SAMSN1: variants seen among roughly 807,000 people sequenced by gnomAD.
SAMSN1 encodes the protein SAM domain, SH3 domain and nuclear localization signals 1.
Under a neutral mutation model 42.0 loss-of-function variants are expected in SAMSN1, and 31 were observed. The ratio of observed to expected loss-of-function variants is 0.74; its 90% confidence interval spans 0.55 to 1.00. SAMSN1 has a LOEUF of 1.00. Among genes scored for constraint, SAMSN1 ranks in the 50% least tolerant of loss-of-function variants. The pLI is 0.00. For synonymous variants in SAMSN1, 178 were observed against 151.9 expected, an observed-to-expected ratio of 1.17 and a Z score of -1.26; for missense variants, 464 against 439.4, an observed-to-expected ratio of 1.06 and a Z score of -0.50.
At chr21:14,523,756 T>C (rs989310081) in intron 1 of SAMSN1, among the ~76,000 whole-genome samples, 7 of 152,182 alleles carry the variant, frequency 4.6e-5, no homozygotes, top group Non-Finnish European at 8.8e-5. Flanking sequence ...ATGGGTCCTG[T>C]TGCACAGGAG....
chr21:14,579,658 TTTTTTTG>T (rs1414645615), intron 2 of SAMSN1, among the ~76,000 whole-genome samples: 5 of 126,226 alleles, frequency 4.0e-5, no homozygotes, highest in East Asian at 2.2e-4. Flanking sequence ...TTTTTTTTTT[TTTTTTTG>T]GAGGCAGGGT....
intron 2 of SAMSN1, among the ~76,000 whole-genome samples, chr21:14,580,673 T>C (rs148334324): frequency 8.7e-4 from 132 of 152,366 alleles, no homozygotes; most frequent in African/African-American, 3.0e-3. Flanking sequence ...CTATGGCACT[T>C]TGAACACAAG....
chr21:14,625,666 A>C (rs549893775), intron 2 of SAMSN1, among the ~76,000 whole-genome samples: 1 of 152,202 alleles, frequency 6.6e-6, no homozygotes, highest in African/African-American at 2.4e-5. Context: ...ATGCTCATGG[A>C]TAGGAAGAAT....
intron 2 of SAMSN1, among the ~76,000 whole-genome samples, chr21:14,622,076 A>G (rs1216014409): frequency 1.3e-5 from 2 of 152,250 alleles, no homozygotes; most frequent in African/African-American, 4.8e-5. Flanking sequence ...GACTGCTAGA[A>G]GGAAAACTAA....
intron 2 of SAMSN1, among the ~76,000 whole-genome samples, chr21:14,554,565 A>G (rs1263207111): frequency 1.3e-5 from 2 of 151,948 alleles, no homozygotes; most frequent in South Asian, 2.1e-4. Flanking sequence ...AGCTGTTGTC[A>G]TATGTCTGGA....
intron 5 of SAMSN1, among the ~76,000 whole-genome samples, chr21:14,503,410 G>T (rs1480832587): frequency 1.3e-5 from 2 of 152,126 alleles, no homozygotes; most frequent in Admixed American, 6.5e-5. Context: ...ACTGAATTCT[G>T]TCAAAAGCCA....
At chr21:14,501,728 A>T (rs1987163063) in intron 5 of SAMSN1, among the ~76,000 whole-genome samples, 1 of 152,380 alleles carries the variant, frequency 6.6e-6, no homozygotes. Flanking sequence ...AGGATAAATT[A>T]TGCTACTTAA....
At chr21:14,537,499 T>C (rs185258005) in intron 1 of SAMSN1, among the ~76,000 whole-genome samples, 195 of 152,352 alleles carry the variant, frequency 1.3e-3, no homozygotes, top group African/African-American at 4.4e-3. Flanking sequence ...ATCGCCAGTG[T>C]ATTGTCCATA....
At position 14,569,913 on chromosome 21, in the gene SAMSN1, T is replaced by C. The variant is rs138160499; in HGVS notation, c.261+12223A>G. 3.7e-3 allele frequency among the ~76,000 whole-genome samples: 560 copies of C among 152,284 alleles called. 7 individuals carry two copies. Among genetic ancestry groups the C allele is most frequent in the African/African-American group, 0.013 (521 of 41,570 alleles). On this transcript the variant is annotated intron_variant, in intron 2 of 8. Coordinates refer to the SAMSN1 transcript ENST00000285670. ...TGCAGATAGTAGGCCTAACTTTTTT[T>C]TTTCTAAAAGGAAATAACTCTCCTC...
intron 3 of SAMSN1, among the ~76,000 whole-genome samples, chr21:14,614,688 T>C (rs982954162): frequency 5.9e-5 from 9 of 152,216 alleles, no homozygotes; most frequent in African/African-American, 1.9e-4. Flanking sequence ...TTTTAATTTT[T>C]AATGCAAAAT....
At chr21:14,646,276 AG>A (rs985044908) in intron 1 of SAMSN1, among the ~76,000 whole-genome samples, 9 of 152,212 alleles carry the variant, frequency 5.9e-5, no homozygotes, top group African/African-American at 2.2e-4. Context: ...ACAAGAGAAA[AG>A]AAACAAATAA....
intron 1 of SAMSN1, among the ~76,000 whole-genome samples, chr21:14,654,509 C>T (rs756398265): frequency 2.6e-5 from 4 of 152,034 alleles, no homozygotes; most frequent in African/African-American, 4.8e-5. Flanking sequence ...AGCATGCAAT[C>T]GATGTCCTCT....
intron 2 of SAMSN1, among the ~76,000 whole-genome samples, chr21:14,629,246 T>C (rs1386105053): frequency 6.6e-6 from 1 of 152,214 alleles, no homozygotes; most frequent in African/African-American, 2.4e-5. Flanking sequence ...TGAAGACAAG[T>C]GTGTAAACAG....
At chr21:14,538,123 T>A (rs1979751468) in intron 1 of SAMSN1, among the ~76,000 whole-genome samples, 1 of 152,190 alleles carries the variant, frequency 6.6e-6, no homozygotes, top group African/African-American at 2.4e-5. Context: ...TGGTTTTTTG[T>A]TTTGTTTTGT....
rs146589843 is a variant in SAMSN1 at position 14,622,338 on chromosome 21, A to T, written c.157-6322T>A. 4.7e-3 allele frequency among the ~76,000 whole-genome samples: 712 copies of T among 152,330 alleles called. 3 individuals carry two copies. Among genetic ancestry groups the T allele is most frequent in the African/African-American group, 0.016 (663 of 41,572 alleles). ...CAAACTTCTCCGAGCTAAAGGAAGAAGTTTGAACCCACCGCAAAGAAGCTA... is the reference window on the plus strand; with the variant it reads ...CAAACTTCTCCGAGCTAAAGGAAGATGTTTGAACCCACCGCAAAGAAGCTA... On this transcript the variant is annotated intron_variant, in intron 2 of 15. Transcript: ENST00000647101.
At chr21:14,545,850 C>A (rs1165037320) in intron 1 of SAMSN1, among the ~76,000 whole-genome samples, 1 of 152,106 alleles carries the variant, frequency 6.6e-6, no homozygotes, top group Non-Finnish European at 1.5e-5. Context: ...GTAGACTGTT[C>A]AATAGACGTT....
chr21:14,535,881 A>G (rs965461940), intron 1 of SAMSN1, among the ~76,000 whole-genome samples: 5 of 152,188 alleles, frequency 3.3e-5, no homozygotes, highest in Non-Finnish European at 7.4e-5. Context: ...TCCTGTTGTT[A>G]AAGCTACTCA....
upstream of SAMSN1, among the ~76,000 whole-genome samples, chr21:14,586,275 A>AG (rs1464189245): frequency 2.0e-5 from 3 of 149,472 alleles, no homozygotes; most frequent in Non-Finnish European, 3.0e-5. Context: ...AAAAAAAAAA[A>AG]AAAGAAAAAG....
chr21:14,536,849 G>A (rs1262327670), intron 1 of SAMSN1, among the ~76,000 whole-genome samples: 1 of 152,140 alleles, frequency 6.6e-6, no homozygotes, highest in African/African-American at 2.4e-5. Flanking sequence ...TCTTTAGACA[G>A]CATGTAGTAA....
Sources: gnomAD v4.1 joint callset for allele counts (sites outside exome capture counted in the v4.1 genomes callset) on GRCh38, gnomAD v4.1.1 for gene constraint, MANE v1.5 for transcripts, NCBI Gene and HGNC (gene_info 2026-07-23, HGNC 2026-07-21) for gene names.